The following TTC3 variants were observed in gnomAD, a reference collection of about 807,000 sequenced individuals.
TTC3 encodes tetratricopeptide repeat domain 3.
TTC3 carries 180 observed loss-of-function variants against 249.6 expected under a neutral mutation model. That is an observed-to-expected ratio of 0.72 (90% CI 0.64 to 0.82). The LOEUF (loss-of-function observed/expected upper bound fraction) is 0.82, where lower values mean the gene tolerates loss of function less well. Ranked by LOEUF, TTC3 falls within the 40% of genes least tolerant of loss-of-function variation. The probability of loss-of-function intolerance (pLI) is 0.00; values close to 1 mark genes in which losing one functional copy is unlikely to be tolerated. For synonymous variants in TTC3, 717 were observed against 805.0 expected (o/e 0.89, Z 1.85); for missense variants, 2,061 against 2,398.4 (o/e 0.86, Z 2.94).
chr21:37,134,400 A>C (rs925539862), intron 17 of TTC3, among the ~76,000 whole-genome samples: 1 of 150,234 alleles, frequency 6.7e-6, no homozygotes, highest in African/African-American at 2.5e-5. Flanking sequence ...CAGTGAGCCG[A>C]GATCTGCCAC....
intron 44 of TTC3, among the ~76,000 whole-genome samples, chr21:37,198,354 A>G (rs1370188297): frequency 1.3e-5 from 2 of 152,190 alleles, no homozygotes; most frequent in African/African-American, 2.4e-5. Context: ...TTGTACATCC[A>G]GTGTGGTATT....
intron 1 of TTC3, among the ~76,000 whole-genome samples, chr21:37,079,517 GTTTTTTTTTTTTTTT>G (rs60361476): frequency 1.1e-4 from 10 of 91,230 alleles, no homozygotes; most frequent in African/African-American, 2.4e-4. Context: ...TTATGGTATG[GTTTTTTTTTTTTTTT>G]TTTTTTTTTT....
exon 22 of TTC3, chr21:37,147,557 A>G (rs964057234): frequency 5.0e-6 from 8 of 1,611,970 alleles, no homozygotes; most frequent in Middle Eastern, 1.7e-4. Context: ...CAGAAGTGCC[A>G]TGGATATTCT....
chr21:37,182,613 C>CTGG (rs1331797534), intron 35 of TTC3, among the ~76,000 whole-genome samples, 161 bp from the exon 36 acceptor site: 1 of 152,128 alleles, frequency 6.6e-6, no homozygotes, highest in African/African-American at 2.4e-5. Context: ...CCAGGCTTGG[C>CTGG]TGGGGGGCAT....
At chr21:37,133,463 T>A (rs2077646187) in intron 17 of TTC3, among the ~76,000 whole-genome samples, 1 of 152,238 alleles carries the variant, frequency 6.6e-6, no homozygotes, top group Admixed American at 6.5e-5. Context: ...TATATCTTTT[T>A]ACATTGATTT....
chr21:37,106,244 T>G (rs2075067682), intron 10 of TTC3, among the ~76,000 whole-genome samples: 1 of 151,770 alleles, frequency 6.6e-6, no homozygotes, highest in African/African-American at 2.4e-5. Context: ...TCTTTTGCTA[T>G]TTTTTTCTCT....
intron 23 of TTC3, 22 bp from the exon 24 acceptor site, chr21:37,150,056 T>C (rs764731235): frequency 2.1e-6 from 3 of 1,433,824 alleles, no homozygotes; most frequent in Non-Finnish European, 2.8e-6. Flanking sequence ...TTTTCTTGTT[T>C]TTTTTTTTTT....
chr21:37,201,060 A>G (rs1256446160), intron 45 of TTC3, among the ~76,000 whole-genome samples: 1 of 152,186 alleles, frequency 6.6e-6, no homozygotes, highest in African/African-American at 2.4e-5. Flanking sequence ...TTCCAGAGCC[A>G]AGGGCCAAGG....
intron 11 of TTC3, chr21:37,121,130 G>A (rs1385836349): frequency 2.0e-5 from 3 of 152,192 alleles, no homozygotes; most frequent in Non-Finnish European, 4.4e-5. Context: ...ACTTAATATA[G>A]AAGATTTCCA....
intron 1 of TTC3, among the ~76,000 whole-genome samples, chr21:37,076,544 G>T (rs74952854): frequency 0.014 from 2,176 of 152,170 alleles, 125 homozygotes; most frequent in Admixed American, 0.11. Context: ...TCCTAAAAAT[G>T]GTAATGCCTG....
chr21:37,165,558 C>G, exon 33 of TTC3: 1 of 1,584,120 alleles, frequency 6.3e-7, no homozygotes. Context: ...AGTTACTTCT[C>G]TCAGTTTTTG....
chr21:37,199,241 C>T (rs1485736428), intron 44 of TTC3, among the ~76,000 whole-genome samples: 1 of 152,240 alleles, frequency 6.6e-6, no homozygotes, highest in African/African-American at 2.4e-5. Context: ...TGCCTGCATT[C>T]GCCCACTCCC....
chr21:37,172,475 C>T, intron 34 of TTC3, 120 bp from the exon 35 acceptor site: 1 of 1,135,412 alleles, frequency 8.8e-7, no homozygotes, highest in South Asian at 1.8e-5. Flanking sequence ...TGACATTTCC[C>T]TTGTAAATTT....
intron 44 of TTC3, 128 bp from the exon 45 acceptor site, chr21:37,200,104 A>G (rs2085340472): frequency 1.6e-6 from 1 of 641,792 alleles, no homozygotes; most frequent in East Asian, 3.0e-5. Flanking sequence ...CAGACTGTTT[A>G]GCTGTAATTG....
intron 10 of TTC3, among the ~76,000 whole-genome samples, chr21:37,104,607 AAAG>A (rs1285006841): frequency 1.9e-4 from 29 of 150,326 alleles, no homozygotes; most frequent in Admixed American, 1.8e-3. Flanking sequence ...AAAAAAAAAA[AAAG>A]AAAGAAGTGC....
At chr21:37,122,595 C>A (rs1001564784) in intron 12 of TTC3, among the ~76,000 whole-genome samples, 1 of 151,740 alleles carries the variant, frequency 6.6e-6, no homozygotes, top group African/African-American at 2.4e-5. Context: ...GTGTATGAGT[C>A]TTTCCTGCTT....
At chr21:37,197,647 T>C in exon 43 of TTC3, 1 of 1,612,288 alleles carries the variant, frequency 6.2e-7, no homozygotes, top group East Asian at 2.2e-5. Context: ...ATTGATGAAA[T>C]TGTCCAAAGA....
chr21:37,117,465 G>A (rs564877320), intron 11 of TTC3, among the ~76,000 whole-genome samples: 56 of 152,064 alleles, frequency 3.7e-4, no homozygotes, highest in Non-Finnish European at 6.5e-4. Context: ...TTTGACAGGT[G>A]CTATATCAAT....
At chr21:37,136,950 TA>T (rs2078000280) in intron 18 of TTC3, among the ~76,000 whole-genome samples, 1 of 152,232 alleles carries the variant, frequency 6.6e-6, no homozygotes, top group South Asian at 2.1e-4. Context: ...AGAATTATGC[TA>T]ATTCACTCTG....
Sources: allele counts gnomAD v4.1 joint callset (sites outside exome capture counted in the v4.1 genomes callset), GRCh38; gene constraint gnomAD v4.1.1; transcripts MANE v1.5; gene names NCBI Gene and HGNC (gene_info 2026-07-23, HGNC 2026-07-21).